TNS3: variants seen among roughly 807,000 people sequenced by gnomAD.
TNS3 encodes tensin 3, also known as tensin-3.
In TNS3, 45 loss-of-function variants were observed where a neutral mutation model predicts 140.9. The observed-to-expected ratio is 0.32, with a 90% CI of 0.25 to 0.41. The LOEUF (loss-of-function observed/expected upper bound fraction) is 0.41. Ranked by LOEUF, TNS3 falls within the 10% of genes least tolerant of loss-of-function variation. The pLI is 1.00. For synonymous variants in TNS3, 815 were observed against 788.4 expected (o/e 1.03, Z -0.56); for missense variants, 1,716 against 1,906.7 (o/e 0.90, Z 1.86).
intron 1 of TNS3, among the ~76,000 whole-genome samples, chr7:47,546,055 C>A (rs1260763105): frequency 6.6e-6 from 1 of 152,222 alleles, no homozygotes; most frequent in Non-Finnish European, 1.5e-5. Flanking sequence ...AGGTGCCCTG[C>A]TCTCCTGTAG....
At chr7:47,537,987 C>G (rs1480313951) in intron 1 of TNS3, among the ~76,000 whole-genome samples, 3 of 150,894 alleles carry the variant, frequency 2.0e-5, no homozygotes, top group African/African-American at 7.3e-5. Flanking sequence ...CCCCCGCCAT[C>G]CTGCTCCTGG....
chr7:47,496,262 G>A (rs915460368), intron 3 of TNS3, among the ~76,000 whole-genome samples: 3 of 152,034 alleles, frequency 2.0e-5, no homozygotes, highest in Non-Finnish European at 4.4e-5. Flanking sequence ...TCACACAGGG[G>A]AATACAGAGT....
At chr7:47,501,272 G>T (rs2151862772) in intron 3 of TNS3, among the ~76,000 whole-genome samples, 1 of 152,270 alleles carries the variant, frequency 6.6e-6, no homozygotes, top group South Asian at 2.1e-4. Context: ...AGCAAATTCA[G>T]ATCATTCATT....
rs1784837109 is a variant in TNS3 at position 47,275,558 on chromosome 7, G to A, written c.*2518C>T. ...TTCCTTTTCCTGTGGCCCTAGAGCC[G>A]GTGTCCACGGTGGGGGCTCTCTCAC... On this transcript the variant is annotated 3_prime_UTR_variant, in exon 31 of 31. Transcript: ENST00000311160. 1.9e-5 allele frequency: 6 copies of A among 321,934 alleles called. No individual in the cohort carries two copies. The highest frequency in any genetic ancestry group is 7.9e-5 in the South Asian group (3 of 38,142). The allele number at this position is 321,934 out of a possible 1,614,324, so 19.9% of individuals were successfully genotyped here.
intron 20 of TNS3, among the ~76,000 whole-genome samples, chr7:47,342,422 A>C (rs1789071723): frequency 6.6e-6 from 1 of 152,206 alleles, no homozygotes; most frequent in South Asian, 2.1e-4. Flanking sequence ...TACTACTTCA[A>C]AACTGCACAG....
rs150515265 is a variant in TNS3, at chr7:47,548,070, T to C, written c.-264-18923A>G. On this transcript the variant is annotated intron_variant, in intron 1 of 30. Coordinates refer to ENST00000311160, the MANE Select transcript of TNS3 (RefSeq NM_022748.12). ...CATGCACCATCACACCCGGCTAATT[T>C]TGTATTTTTAGTAGTGTTGAGGTTT... Among the ~76,000 whole-genome samples the C allele has an allele frequency of 8.2e-3, 1,253 of 152,258 alleles. 16 individuals are homozygous for C. The highest frequency in any genetic ancestry group is 0.029 in the African/African-American group (1,205 of 41,522).
intron 20 of TNS3, among the ~76,000 whole-genome samples, chr7:47,320,741 G>T (rs552613522): frequency 6.6e-6 from 1 of 152,194 alleles, no homozygotes; most frequent in Non-Finnish European, 1.5e-5. Context: ...CCTGGGGTTC[G>T]GGTTAAGGCA....
intron 13 of TNS3, among the ~76,000 whole-genome samples, chr7:47,401,692 C>T (rs1301168306): frequency 6.6e-6 from 1 of 152,208 alleles, no homozygotes; most frequent in East Asian, 1.9e-4. Flanking sequence ...TCCTGACCTG[C>T]CTGTATAACT....
chr7:47,414,125 A>G, intron 11 of TNS3, 128 bp from the exon 12 acceptor site: 1 of 937,042 alleles, frequency 1.1e-6, no homozygotes, highest in Non-Finnish European at 1.7e-6. Context: ...AGGTCTGGGA[A>G]AGCAGTGCAT....
intron 17 of TNS3, among the ~76,000 whole-genome samples, chr7:47,350,516 C>T (rs909942355): frequency 2.6e-5 from 4 of 152,082 alleles, no homozygotes; most frequent in South Asian, 2.1e-4. Flanking sequence ...TCCTTGGCTA[C>T]GGGGAAGGTC....
chr7:47,317,499 A>C (rs17172851), intron 20 of TNS3, among the ~76,000 whole-genome samples: 3,980 of 152,346 alleles, frequency 0.026, 73 homozygotes, highest in East Asian at 0.11. Flanking sequence ...AGAGAATTCT[A>C]ATGTTGAAAC....
chr7:47,315,794 T>G (rs979819179), intron 20 of TNS3, among the ~76,000 whole-genome samples: 8 of 152,220 alleles, frequency 5.3e-5, no homozygotes, highest in Non-Finnish European at 7.3e-5. Flanking sequence ...CATGTGACAT[T>G]AAAAACAAAA....
intron 27 of TNS3, among the ~76,000 whole-genome samples, chr7:47,285,791 T>C (rs75770843): frequency 0.034 from 5,237 of 152,208 alleles, 316 homozygotes; most frequent in African/African-American, 0.12. Flanking sequence ...CACATATTCA[T>C]TACAGTGGGA....
chr7:47,404,443 T>G (rs1056213985), intron 13 of TNS3, among the ~76,000 whole-genome samples: 1 of 152,202 alleles, frequency 6.6e-6, no homozygotes, highest in African/African-American at 2.4e-5. Flanking sequence ...GGCATAAGCT[T>G]CTAGAGAGAG....
chr7:47,465,814 T>C (rs2151713883), intron 4 of TNS3, among the ~76,000 whole-genome samples: 1 of 151,818 alleles, frequency 6.6e-6, no homozygotes. Flanking sequence ...ATCCCAGCTA[T>C]TCAGGAGGCT....
chr7:47,340,889 C>T (rs574926949), intron 20 of TNS3, among the ~76,000 whole-genome samples: 1 of 152,146 alleles, frequency 6.6e-6, no homozygotes, highest in African/African-American at 2.4e-5. Flanking sequence ...TTTTTAGATG[C>T]TTTTTGTAAG....
intron 17 of TNS3, among the ~76,000 whole-genome samples, chr7:47,365,226 C>T (rs1262224324): frequency 1.3e-5 from 2 of 151,972 alleles, no homozygotes; most frequent in Admixed American, 6.6e-5. Context: ...GTGGGCAGAT[C>T]GTGAGGTCGG....
chr7:47,377,729 CCTT>C (rs922375159), intron 16 of TNS3, among the ~76,000 whole-genome samples: 1 of 151,128 alleles, frequency 6.6e-6, no homozygotes, highest in African/African-American at 2.4e-5. Flanking sequence ...CTTTCCTCCT[CCTT>C]CTCCTCCTCC....
rs765791832 is a variant in TNS3, at chr7:47,529,079, T to C, written c.-196A>G. On this transcript the variant is annotated 5_prime_UTR_variant, in exon 2 of 31. Coordinates refer to ENST00000311160, the MANE Select transcript of TNS3 (RefSeq NM_022748.12). Reference sequence around the variant, plus strand: ...GACCGTCAATAATTTGTTTGCAAACTCCACACACTTTGGATTTTTTAAAGG... The same window carrying C: ...GACCGTCAATAATTTGTTTGCAAACCCCACACACTTTGGATTTTTTAAAGG... 7.8e-7 allele frequency: 1 copy of C among 1,289,136 alleles called. No individual in the cohort carries two copies. The highest frequency in any genetic ancestry group is 1.0e-6 in the Non-Finnish European group (1 of 988,746). The allele number at this position is 1,289,136 out of a possible 1,614,324, so 79.9% of individuals were successfully genotyped here.
Sources: allele counts gnomAD v4.1 joint callset (sites outside exome capture counted in the v4.1 genomes callset), GRCh38; gene constraint gnomAD v4.1.1; transcripts MANE v1.5; gene names NCBI Gene and HGNC (gene_info 2026-07-23, HGNC 2026-07-21).